Variants in PTPRA observed in about 807,000 individuals in gnomAD.
PTPRA encodes protein tyrosine phosphatase receptor type A.
A neutral mutation model predicts 104.8 loss-of-function variants in PTPRA; 25 were observed. The ratio of observed to expected loss-of-function variants is 0.24; its 90% confidence interval spans 0.17 to 0.33. The LOEUF is 0.33. Ranked by LOEUF, PTPRA falls within the 10% of genes least tolerant of loss-of-function variation. PTPRA has a pLI of 1.00. For missense variants in PTPRA, 765 were observed against 1,015.3 expected (o/e 0.75, Z 3.35); for synonymous variants, 323 against 368.9 (o/e 0.88, Z 1.43).
chr20:2,977,168 C>T (rs1435523997), intron 6 of PTPRA, among the ~76,000 whole-genome samples: 5 of 151,492 alleles, frequency 3.3e-5, no homozygotes, highest in East Asian at 3.9e-4. Context: ...CCCAGCTACT[C>T]GGGAGGCTGA....
chr20:3,036,022 T>C, intron 22 of PTPRA, 81 bp downstream of exon 22: 2 of 1,594,060 alleles, frequency 1.3e-6, no homozygotes, highest in Non-Finnish European at 1.7e-6. Flanking sequence ...TGGGTCAGAC[T>C]GAAGAAAGCC....
At position 2,950,482 on chromosome 20, in the gene PTPRA, CA is replaced by C. The variant is rs932734815; in HGVS notation, c.-7+2469del. Among the ~76,000 whole-genome samples, 68 of 143,998 alleles carry C rather than the reference CA, an allele frequency of 4.7e-4. No individual in the cohort carries two copies. Among genetic ancestry groups the C allele is most frequent in the Admixed American group, 4.9e-4 (7 of 14,386 alleles). 94.5% of individuals were successfully genotyped at this position (143,998 alleles called of 152,430 possible). A position where few individuals can be genotyped will look rare whatever the true frequency, so the allele number is the denominator to read the frequency against. On this transcript the variant is annotated intron_variant, in intron 3 of 23. Coordinates refer to ENST00000399903, the MANE Select transcript of PTPRA (RefSeq NM_001385305.1). This position sits in a 1 kb window ranked among gnomAD's most constrained non-coding sequence, Gnocchi z 4.0. ...TGAAACCCCGTCTCTACTAAAAATA[CA>C]AAAAAAAAAATTAGCCGGGCGTGGT... is the stretch of plus-strand genomic sequence containing the variant.
At chr20:2,867,166 G>A in the PTPRA span, among the ~76,000 whole-genome samples, 629 of 152,326 alleles carry the variant, frequency 4.1e-3, 6 homozygotes, top group Non-Finnish European at 3.7e-3. Context: ...TTGAAACCCC[G>A]GGCCAAGTGC....
In PTPRA at chr20:2,873,963, T is replaced by C. The variant is rs1352195548; in HGVS notation, c.-129+203T>C. Among the ~76,000 whole-genome samples, 1 of 152,180 alleles carries C rather than the reference T, an allele frequency of 6.6e-6. No homozygotes were observed. The highest frequency in any genetic ancestry group is 1.5e-5 in the Non-Finnish European group (1 of 68,010). ...CGCGGGGAGGGGGTCCCCGGAAACGTGCCGGCCCGAGTGCCGACCCCTCGC... is the reference window on the plus strand; with the variant it reads ...CGCGGGGAGGGGGTCCCCGGAAACGCGCCGGCCCGAGTGCCGACCCCTCGC... On this transcript the variant is annotated intron_variant, in intron 1 of 23. Coordinates refer to ENST00000399903, the MANE Select transcript of PTPRA (RefSeq NM_001385305.1). This position sits in a 1 kb window ranked among gnomAD's most constrained non-coding sequence, Gnocchi z 4.4.
chr20:2,876,440 C>T (rs1372723727), intron 1 of PTPRA, among the ~76,000 whole-genome samples: 4 of 152,198 alleles, frequency 2.6e-5, no homozygotes, highest in Non-Finnish European at 4.4e-5. Flanking sequence ...CTCCTCCCAC[C>T]ATGGGACGTA....
At position 2,910,404 on chromosome 20, in the gene PTPRA, T is replaced by TAAAA. The variant is rs1491427907; in HGVS notation, c.-128-12803_-128-12802insAAAA. 1.5e-3 allele frequency among the ~76,000 whole-genome samples: 92 copies of TAAAA among 63,386 alleles called. 1 individual carries two copies. The highest frequency in any genetic ancestry group is 9.2e-3 in the African/African-American group (90 of 9,730). The allele number at this position is 63,386 out of a possible 152,430, so 41.6% of individuals were successfully genotyped here. ...TATTATATATTTTATATATAATATA[T>TAAAA]TTTGTATATTATATAATATATAAAA... On this transcript the variant is annotated intron_variant, in intron 1 of 23. Coordinates refer to ENST00000399903, the MANE Select transcript of PTPRA (RefSeq NM_001385305.1).
At chr20:2,961,868 T>A (rs915364330) in intron 3 of PTPRA, among the ~76,000 whole-genome samples, 10 of 152,218 alleles carry the variant, frequency 6.6e-5, no homozygotes, top group Non-Finnish European at 1.5e-4. Flanking sequence ...GAAAAGACTA[T>A]CTTGCTCCAT....
upstream of PTPRA, among the ~76,000 whole-genome samples, chr20:2,871,718 C>T (rs996523336): frequency 2.6e-5 from 4 of 152,070 alleles, no homozygotes; most frequent in Admixed American, 1.3e-4. Flanking sequence ...TTCGGTGTTG[C>T]GGGATAGATT....
chr20:2,867,280 G>A, the PTPRA span, among the ~76,000 whole-genome samples: 1 of 152,330 alleles, frequency 6.6e-6, no homozygotes, highest in East Asian at 1.9e-4. Flanking sequence ...TGTGTGGCCT[G>A]CGGGCCATAG....
intron 20 of PTPRA, among the ~76,000 whole-genome samples, chr20:3,031,746 G>A (rs57335860): frequency 2.8e-5 from 4 of 145,378 alleles, no homozygotes; most frequent in Admixed American, 7.0e-5. Context: ...CAGTCACACC[G>A]AACATGTCCT....
Position 3,022,357 on chromosome 20 carries a change from G to T in PTPRA, c.1328+137G>T. 3.5e-6 allele frequency: 4 copies of T among 1,147,072 alleles called. No individual in the cohort carries two copies. Among genetic ancestry groups the T allele is most frequent in the Non-Finnish European group, 4.9e-6 (4 of 808,758 alleles). 71.1% of individuals were successfully genotyped at this position (1,147,072 alleles called of 1,614,324 possible). ...TACTGGGGCACCAGCGCAACAGCCA[G>T]AGACTCCAAGTTCTAGTGCAGGGTG... On this transcript the variant is annotated intron_variant, in intron 15 of 23. Transcript: ENST00000399903. The surrounding 1 kb of genome is among the most constrained non-coding windows in gnomAD (Gnocchi z 4.6).
Position 2,947,431 on chromosome 20 carries a change from G to T in PTPRA, c.-49-551G>T, listed in dbSNP as rs187354470. Among the ~76,000 whole-genome samples, 38 of 152,278 alleles carry T rather than the reference G, an allele frequency of 2.5e-4. No individual in the cohort carries two copies. In the East Asian group the frequency reaches 6.9e-3, roughly 28 times the overall value. On this transcript the variant is annotated intron_variant, in intron 2 of 23. Transcript: ENST00000399903. Reference sequence around the variant, plus strand: ...ATTTTCCAACTCTTATATAAGGTTTGCTTTTTCTAGAGAGAGACTAATCTG... The same window carrying T: ...ATTTTCCAACTCTTATATAAGGTTTTCTTTTTCTAGAGAGAGACTAATCTG...
Position 3,027,691 on chromosome 20 carries a change from A to C in PTPRA, c.1786-16A>C, listed in dbSNP as rs1481332006. 1 of 1,612,626 alleles carries C rather than the reference A, an allele frequency of 6.2e-7. No individual in the cohort carries two copies. The highest frequency in any genetic ancestry group is 8.5e-7 in the Non-Finnish European group (1 of 1,179,534). ...ATTAAACCATCTCACCCTTGCAATTAACCTGGCCTGTGCAGGGCTACCGGC... is the reference window on the plus strand; with the variant it reads ...ATTAAACCATCTCACCCTTGCAATTCACCTGGCCTGTGCAGGGCTACCGGC... On this transcript the variant is annotated splice_polypyrimidine_tract_variant and intron_variant, in intron 19 of 23. Transcript: ENST00000399903.
intron 1 of PTPRA, among the ~76,000 whole-genome samples, chr20:2,893,530 A>G (rs1271429725): frequency 6.6e-6 from 1 of 152,236 alleles, no homozygotes; most frequent in African/African-American, 2.4e-5. Context: ...TATATGATAC[A>G]TCATGTATAT....
intron 2 of PTPRA, among the ~76,000 whole-genome samples, chr20:2,946,227 G>A (rs2061125699): frequency 6.6e-6 from 1 of 152,098 alleles, no homozygotes. Flanking sequence ...AGGGGAGGTT[G>A]CGCAGTGGGG....
chr20:2,922,355 A>G (rs552901434), intron 1 of PTPRA, among the ~76,000 whole-genome samples: 1 of 152,102 alleles, frequency 6.6e-6, no homozygotes, highest in South Asian at 2.1e-4. Flanking sequence ...TGATTGATTG[A>G]TTGAGATGGA....
chr20:2,877,602 A>G (rs2089805080), intron 1 of PTPRA, among the ~76,000 whole-genome samples: 2 of 152,190 alleles, frequency 1.3e-5, no homozygotes, highest in South Asian at 2.1e-4. Flanking sequence ...AAAAATAGCA[A>G]TAATATAACA....
At chr20:2,951,599 A>G (rs1264034174) in intron 3 of PTPRA, among the ~76,000 whole-genome samples, 1 of 152,192 alleles carries the variant, frequency 6.6e-6, no homozygotes, top group Non-Finnish European at 1.5e-5. Flanking sequence ...CACTGAAATT[A>G]TTCAAACTAG....
chr20:2,920,618 T>A (rs565898477), intron 1 of PTPRA, among the ~76,000 whole-genome samples: 11 of 151,418 alleles, frequency 7.3e-5, no homozygotes. Context: ...TCTGAGGGAG[T>A]GATGATGGGA....
Sources: gnomAD v4.1 joint callset for allele counts (sites outside exome capture counted in the v4.1 genomes callset) on GRCh38, gnomAD v4.1.1 for gene constraint, Gnocchi (gnomAD v3.1) non-coding constraint, MANE v1.5 for transcripts, NCBI Gene and HGNC (gene_info 2026-07-23, HGNC 2026-07-21) for gene names.